The following NHSL1 variants were observed in gnomAD, a reference collection of about 807,000 sequenced individuals.
NHSL1 encodes NHS like 1.
In NHSL1, 48 loss-of-function variants were observed where a neutral mutation model predicts 95.0. That is an observed-to-expected ratio of 0.51 (90% CI 0.40 to 0.64). The LOEUF (loss-of-function observed/expected upper bound fraction) is 0.64, where lower values mean the gene tolerates loss of function less well. NHSL1 is among the 30% of genes least tolerant of loss of function. NHSL1 has a pLI of 0.00. For synonymous variants in NHSL1, 783 were observed against 833.9 expected (o/e 0.94, Z 1.05); for missense variants, 1,971 against 2,077.7 (o/e 0.95, Z 1.00).
Position 138,432,055 on chromosome 6 carries a change from G to C in NHSL1, c.2290C>G (p.Pro764Ala). 2 of 1,551,736 alleles carry C rather than the reference G, an allele frequency of 1.3e-6. No homozygotes were observed. Among genetic ancestry groups the C allele is most frequent in the Non-Finnish European group, 1.7e-6 (2 of 1,146,986 alleles). The change falls in exon 6 of 8, where the codon CCA (proline) becomes GCA (alanine). Residue 764 changes from proline to alanine, a missense_variant. By Grantham distance (27) the Pro-to-Ala change is conservative. Around this residue, in one of 3 missense-constraint regions of NHSL1, gnomAD observed 1,602 missense variants for 1,654.5 expected, o/e 0.97. Coordinates refer to ENST00000343505, the MANE Select transcript of NHSL1 (RefSeq NM_001144060.2). This position sits in a 1 kb window ranked among gnomAD's most constrained non-coding sequence, Gnocchi z 4.4. ...ACGCTGCTTGTGTCACTCTGCGATGGCGTGGCCCCGCACAGGGAGTAGACA... is the reference window on the plus strand; with the variant it reads ...ACGCTGCTTGTGTCACTCTGCGATGCCGTGGCCCCGCACAGGGAGTAGACA... Reference protein sequence around the residue: ...PNVYSLCGATPSQSDTSSVKS... With the variant: ...PNVYSLCGATASQSDTSSVKS...
At chr6:138,613,467 C>T (rs919525682) in intron 1 of NHSL1, among the ~76,000 whole-genome samples, 3 of 152,248 alleles carry the variant, frequency 2.0e-5, no homozygotes, top group Admixed American at 2.0e-4. Context: ...TTTTTCATTT[C>T]GTCAACATGC....
intron 1 of NHSL1, among the ~76,000 whole-genome samples, chr6:138,538,988 G>C (rs1309786354): frequency 6.6e-6 from 1 of 152,086 alleles, no homozygotes; most frequent in Admixed American, 6.6e-5. Flanking sequence ...CAGGCCTTTT[G>C]TTTCAATGGA....
chr6:138,471,617 A>G (rs1778755613), intron 3 of NHSL1, among the ~76,000 whole-genome samples: 1 of 152,242 alleles, frequency 6.6e-6, no homozygotes. Context: ...GGTAAGGAAT[A>G]GGAAGTTGTT....
chr6:138,650,400 A>C, intron 1 of NHSL1: 1 of 1,423,240 alleles, frequency 7.0e-7, no homozygotes, highest in Non-Finnish European at 9.8e-7. Context: ...GTCGCCGACT[A>C]GCAGGAAGGG....
At chr6:138,621,785 G>A (rs1784667793) in intron 1 of NHSL1, among the ~76,000 whole-genome samples, 1 of 152,128 alleles carries the variant, frequency 6.6e-6, no homozygotes, top group South Asian at 2.1e-4. Context: ...GGCAGTCCCA[G>A]ATATACCCAG....
intron 1 of NHSL1, among the ~76,000 whole-genome samples, chr6:138,663,556 A>G (rs1785256197): frequency 8.7e-6 from 1 of 115,462 alleles, no homozygotes; most frequent in African/African-American, 4.0e-5. Context: ...GCAAAACTCC[A>G]TCTCAAAAAA....
intron 2 of NHSL1, among the ~76,000 whole-genome samples, chr6:138,482,303 G>A (rs977763245): frequency 2.0e-5 from 3 of 152,116 alleles, no homozygotes; most frequent in East Asian, 1.9e-4. Flanking sequence ...AAAATTAGCT[G>A]GGCGTGGTGG....
intron 1 of NHSL1, among the ~76,000 whole-genome samples, chr6:138,670,680 A>AAAAAAAAAAAAAC (rs1562408417): frequency 1.3e-5 from 2 of 151,094 alleles, no homozygotes; most frequent in African/African-American, 4.9e-5. Context: ...AAAAAAAAAA[A>AAAAAAAAAAAAAC]AAAAAACTTT....
intron 1 of NHSL1, among the ~76,000 whole-genome samples, chr6:138,598,403 A>G (rs1343690270): frequency 6.6e-6 from 1 of 151,782 alleles, no homozygotes; most frequent in Non-Finnish European, 1.5e-5. Flanking sequence ...AGTTGCAGTG[A>G]GTCAAGATTG....
At chr6:138,481,367 T>G (rs1779408677) in intron 2 of NHSL1, among the ~76,000 whole-genome samples, 1 of 152,216 alleles carries the variant, frequency 6.6e-6, no homozygotes, top group African/African-American at 2.4e-5. Context: ...CATACTGATA[T>G]AGTTAGGATT....
chr6:138,535,747 G>A (rs1008305193), intron 1 of NHSL1, among the ~76,000 whole-genome samples: 11 of 152,090 alleles, frequency 7.2e-5, no homozygotes, highest in Admixed American at 4.6e-4. Flanking sequence ...GTGAAAATGT[G>A]GCAGCTAGAT....
At position 138,433,485 on chromosome 6, in the gene NHSL1, A is replaced by G. The variant is rs1358316253; in HGVS notation, c.860T>C (p.Ile287Thr). ...RRIRAQKGQG[I>T]AAQMGHFSGS... ...TGAGAAGTGGCCCATCTGGGCAGCAATGCCTTGCCCCTTCTGTGCCCTGAT... is the reference window on the plus strand; with the variant it reads ...TGAGAAGTGGCCCATCTGGGCAGCAGTGCCTTGCCCCTTCTGTGCCCTGAT... The change falls in exon 6 of 8, where the codon ATT becomes ACT. Residue 287 changes from isoleucine to threonine, a missense_variant. Physicochemically the swap from Ile to Thr is moderately conservative, Grantham distance 89. This residue lies in a region of NHSL1 where 1,602 missense variants were observed against 1,654.5 expected (regional missense o/e 0.97). Coordinates refer to ENST00000343505, the MANE Select transcript of NHSL1 (RefSeq NM_001144060.2). 1 of 1,552,160 alleles carries G rather than the reference A, an allele frequency of 6.4e-7. No individual in the cohort carries two copies. The highest frequency in any genetic ancestry group is 2.0e-5 in the Admixed American group (1 of 51,016).
chr6:138,536,115 G>T (rs1464336280), intron 1 of NHSL1, among the ~76,000 whole-genome samples: 1 of 152,184 alleles, frequency 6.6e-6, no homozygotes, highest in Admixed American at 6.5e-5. Context: ...CAGTCTGGGA[G>T]AAACCTGTGG....
chr6:138,427,556 A>G (rs1025568998), intron 7 of NHSL1, among the ~76,000 whole-genome samples: 6 of 152,210 alleles, frequency 3.9e-5, no homozygotes, highest in African/African-American at 1.4e-4. Flanking sequence ...TTCTTTGCAT[A>G]TACATACACA....
intron 1 of NHSL1, among the ~76,000 whole-genome samples, chr6:138,543,839 C>A (rs1050181076): frequency 2.9e-4 from 44 of 152,300 alleles, no homozygotes; most frequent in African/African-American, 1.0e-3. Flanking sequence ...AGTAGAATGT[C>A]AACTGTTTGT....
intron 1 of NHSL1, among the ~76,000 whole-genome samples, chr6:138,584,340 T>C (rs1784102665): frequency 6.6e-6 from 1 of 152,218 alleles, no homozygotes; most frequent in African/African-American, 2.4e-5. Context: ...TCACATACTG[T>C]GTATTAAAAT....
At chr6:138,535,435 A>T (rs1013850727) in intron 1 of NHSL1, among the ~76,000 whole-genome samples, 3 of 152,070 alleles carry the variant, frequency 2.0e-5, no homozygotes, top group African/African-American at 7.2e-5. Context: ...ATGATGGTGC[A>T]TGTCTGTAGT....
chr6:138,431,876 T>A lies in NHSL1; in HGVS notation c.2469A>T (p.Thr823=). 6.4e-7 allele frequency: 1 copy of A among 1,551,714 alleles called. No individual in the cohort carries two copies. Among genetic ancestry groups the A allele is most frequent in the African/African-American group, 1.4e-5 (1 of 73,158 alleles). Residue 823 remains threonine (T), a synonymous_variant, in exon 6 of 8, where the codon ACA becomes ACT. Coordinates refer to ENST00000343505, the MANE Select transcript of NHSL1 (RefSeq NM_001144060.2). This position sits in a 1 kb window ranked among gnomAD's most constrained non-coding sequence, Gnocchi z 4.0. Reference sequence around the variant, plus strand: ...CTGAACCACCGGGCACTTGGGGCATTGTGGCTCTGGACCCTTCTTGGACAT... The same window carrying A: ...CTGAACCACCGGGCACTTGGGGCATAGTGGCTCTGGACCCTTCTTGGACAT... ...VRHVQEGSRA[T]MPQVPGGSVK...
At chr6:138,519,612 G>A (rs900907013) in intron 1 of NHSL1, among the ~76,000 whole-genome samples, 74 of 152,164 alleles carry the variant, frequency 4.9e-4, no homozygotes, top group African/African-American at 1.7e-3. Context: ...CAGAGGAGTG[G>A]GAAAATCTTG....
Sources: gnomAD v4.1 joint callset for allele counts (sites outside exome capture counted in the v4.1 genomes callset) on GRCh38, gnomAD v4.1.1 for gene constraint, gnomAD v4.1.1 regional missense constraint, Gnocchi (gnomAD v3.1) non-coding constraint, MANE v1.5 for transcripts, NCBI Gene and HGNC (gene_info 2026-07-23, HGNC 2026-07-21) for gene names.